REDIC1: variants seen among roughly 807,000 people sequenced by gnomAD.
REDIC1 encodes HEI10 Interacting Protein 1.
the REDIC1 span, among the ~76,000 whole-genome samples, chr12:39,884,519 T>C: frequency 6.6e-6 from 1 of 152,302 alleles, no homozygotes; most frequent in South Asian, 2.1e-4. Context: ...AAGTACATCA[T>C]GGCCAAATGT....
the REDIC1 span, chr12:39,830,033 C>G: frequency 3.1e-6 from 5 of 1,596,558 alleles, no homozygotes; most frequent in Non-Finnish European, 3.4e-6. Context: ...TGCAAGCACT[C>G]TGAAAACTTA....
the REDIC1 span, among the ~76,000 whole-genome samples, chr12:39,765,785 G>A: frequency 0.13 from 20,331 of 151,988 alleles, 1,634 homozygotes; most frequent in East Asian, 0.39. Flanking sequence ...TGTTACATAG[G>A]TAAATGCGTG....
chr12:39,643,904 G>C, the REDIC1 span: 1 of 1,553,680 alleles, frequency 6.4e-7, no homozygotes, highest in Admixed American at 1.9e-5. Context: ...TATCTTGCAA[G>C]AAGAAAATTC....
chr12:39,712,464 G>GTATATA, the REDIC1 span, among the ~76,000 whole-genome samples: 1 of 106,104 alleles, frequency 9.4e-6, no homozygotes, highest in Non-Finnish European at 1.9e-5. Context: ...GTATATATAC[G>GTATATA]TATGTATATA....
chr12:39,698,037 T>C, the REDIC1 span, among the ~76,000 whole-genome samples: 3 of 151,642 alleles, frequency 2.0e-5, no homozygotes, highest in South Asian at 6.3e-4. Flanking sequence ...AAGACACAAA[T>C]AGACAGAAAA....
the REDIC1 span, among the ~76,000 whole-genome samples, chr12:39,725,974 T>A: frequency 1.3e-5 from 2 of 152,226 alleles, no homozygotes; most frequent in East Asian, 3.9e-4. Context: ...CAACTGCACA[T>A]CAGCCAGTGT....
the REDIC1 span, among the ~76,000 whole-genome samples, chr12:39,881,011 AT>A: frequency 6.6e-6 from 1 of 152,234 alleles, no homozygotes; most frequent in African/African-American, 2.4e-5. Context: ...AACAGGTTAC[AT>A]GTGATTGTTC....
the REDIC1 span, among the ~76,000 whole-genome samples, chr12:39,707,983 G>C: frequency 2.0e-5 from 3 of 151,684 alleles, no homozygotes; most frequent in Non-Finnish European, 3.0e-5. Flanking sequence ...GAAATAAGAG[G>C]GTAGAAGAAT....
At chr12:39,895,036 TG>T in the REDIC1 span, among the ~76,000 whole-genome samples, 1 of 151,980 alleles carries the variant, frequency 6.6e-6, no homozygotes, top group East Asian at 1.9e-4. Context: ...CCAACGGCAG[TG>T]GAACTTTTTG....
At chr12:39,772,601 G>A in the REDIC1 span, among the ~76,000 whole-genome samples, 1 of 151,578 alleles carries the variant, frequency 6.6e-6, no homozygotes, top group African/African-American at 2.4e-5. Context: ...AAATAGGAAA[G>A]GAAAGAAAAA....
At chr12:39,710,351 G>C in the REDIC1 span, among the ~76,000 whole-genome samples, 2 of 151,730 alleles carry the variant, frequency 1.3e-5, no homozygotes, top group Non-Finnish European at 2.9e-5. Context: ...AAAAATTCAG[G>C]CTATTTGAAA....
At chr12:39,643,605 T>C in the REDIC1 span, among the ~76,000 whole-genome samples, 14 of 151,774 alleles carry the variant, frequency 9.2e-5, 1 homozygote, top group South Asian at 8.3e-4. Flanking sequence ...AATTTAGTCT[T>C]TAGGCAAACT....
At chr12:39,880,586 A>T in the REDIC1 span, among the ~76,000 whole-genome samples, 1 of 152,242 alleles carries the variant, frequency 6.6e-6, no homozygotes, top group African/African-American at 2.4e-5. Flanking sequence ...AAGTTTACTT[A>T]TTAATCACAT....
At chr12:39,667,799 T>G in the REDIC1 span, among the ~76,000 whole-genome samples, 9 of 152,336 alleles carry the variant, frequency 5.9e-5, no homozygotes, top group East Asian at 1.4e-3. Context: ...CTTGTTGAAT[T>G]GATTCCTTTA....
chr12:39,756,762 C>G, the REDIC1 span: 1 of 151,604 alleles, frequency 6.6e-6, no homozygotes, highest in Admixed American at 6.6e-5. Flanking sequence ...GAAATTACAG[C>G]AAAAATTTCA....
the REDIC1 span, chr12:39,764,762 A>T: frequency 1.0e-4 from 167 of 1,612,734 alleles, no homozygotes; most frequent in Non-Finnish European, 1.4e-4. Context: ...CAAGATATAA[A>T]ATAAGGCCCA....
chr12:39,721,064 G>A, the REDIC1 span: 2 of 1,613,776 alleles, frequency 1.2e-6, no homozygotes, highest in South Asian at 2.2e-5. Context: ...CAGGCTGCAA[G>A]GTGTGATGCA....
At chr12:39,854,038 T>G in the REDIC1 span, among the ~76,000 whole-genome samples, 1 of 152,094 alleles carries the variant, frequency 6.6e-6, no homozygotes, top group South Asian at 2.1e-4. Flanking sequence ...TCTTTGCTTC[T>G]TGGGTAACTG....
chr12:39,786,147 G>C, the REDIC1 span, among the ~76,000 whole-genome samples: 1 of 152,080 alleles, frequency 6.6e-6, no homozygotes, highest in African/African-American at 2.4e-5. Context: ...CTTTGGCTTT[G>C]TCCCCACCCA....
Sources: gnomAD v4.1 joint callset for allele counts (sites outside exome capture counted in the v4.1 genomes callset) on GRCh38, gnomAD v4.1.1 for gene constraint, MANE v1.5 for transcripts, NCBI Gene and HGNC (gene_info 2026-07-23, HGNC 2026-07-21) for gene names.